ALG10B: variants seen among roughly 807,000 people sequenced by gnomAD.
ALG10B encodes the protein ALG10 alpha-1,2-glucosyltransferase B, also known as dol-P-Glc:Glc(2)Man(9)GlcNAc(2)-PP-Dol alpha-1,2-glucosyltransferase B.
ALG10B carries 27 observed loss-of-function variants against 38.7 expected under a neutral mutation model. That is an observed-to-expected ratio of 0.70 (90% CI 0.51 to 0.96). The LOEUF is 0.96. Ranked by LOEUF, ALG10B falls within the 40% of genes least tolerant of loss-of-function variation. The pLI is 0.00. For synonymous variants in ALG10B, 177 were observed against 193.3 expected (o/e 0.92, Z 0.70); for missense variants, 522 against 542.7 (o/e 0.96, Z 0.38).
rs777713108 is a variant in ALG10B, at chr12:38,320,889, T to G, written c.1098T>G (p.Tyr366Ter). Residue 366 changes from tyrosine (Y) to a stop codon, truncating the protein, a stop_gained, in exon 3 of 3, where the codon TAT becomes TAG. Coordinates refer to ENST00000308742, the MANE Select transcript of ALG10B (RefSeq NM_001013620.4). LOFTEE classifies it high-confidence loss of function. ...TGTGGAAAAGAGTTTTTCAAAGATA[T>G]GCAATTCTGAAATATTTGTTAGTTC... ...FYVWKRVFQRYAILKYLLVPA... is the reference protein window; with the variant it reads ...FYVWKRVFQR The G allele has an allele frequency of 6.2e-7, 1 of 1,613,846 alleles. No individual in the cohort carries two copies. Among genetic ancestry groups the G allele is most frequent in the Non-Finnish European group, 8.5e-7 (1 of 1,179,874 alleles).
Position 38,323,977 on chromosome 12 carries a change from AC to A in ALG10B, c.*2767del, listed in dbSNP as rs1196622718. On this transcript the variant is annotated 3_prime_UTR_variant, in exon 3 of 3. Transcript: ENST00000308742. Reference sequence around the variant, plus strand: ...CTGGCAAAATTGAGGAAAATATTCTACCCTGTAATTAAAGAAGACTGCTCTT... The same window carrying A: ...CTGGCAAAATTGAGGAAAATATTCTACCTGTAATTAAAGAAGACTGCTCTT... 1 of 698,124 alleles carries A rather than the reference AC, an allele frequency of 1.4e-6. No homozygotes were observed. Among genetic ancestry groups the A allele is most frequent in the African/African-American group, 1.8e-5 (1 of 56,828 alleles). 43.2% of individuals were successfully genotyped at this position (698,124 alleles called of 1,614,324 possible). A position where few individuals can be genotyped will look rare whatever the true frequency, so the allele number is the denominator to read the frequency against.
Position 38,324,144 on chromosome 12 carries a change from T to G in ALG10B, c.*2931T>G. The G allele has an allele frequency of 2.0e-6, 1 of 500,784 alleles. No individual in the cohort carries two copies. 31.0% of individuals were successfully genotyped at this position (500,784 alleles called of 1,614,324 possible). On this transcript the variant is annotated 3_prime_UTR_variant, in exon 3 of 3. Transcript: ENST00000308742. ...ACCTCCTGGGTTCAAGCAGTTCTCC[T>G]GCCTCAGCCTCCCGAGTAGCTGAGA...
chr12:38,319,000 G>C (rs1024680364), intron 2 of ALG10B, among the ~76,000 whole-genome samples: 1 of 152,132 alleles, frequency 6.6e-6, no homozygotes, highest in African/African-American at 2.4e-5. Flanking sequence ...AAGGAACAAG[G>C]AAACTTAATA....
At chr12:38,318,154 C>G (rs1204119903) in intron 1 of ALG10B, 107 bp from the exon 2 acceptor site, 3 of 1,415,576 alleles carry the variant, frequency 2.1e-6, no homozygotes, top group Admixed American at 3.4e-5. Flanking sequence ...AGACTAACTT[C>G]TCAAAATTTC....
Position 38,327,657 on chromosome 12 carries a change from T to A in ALG10B, c.*6444T>A, listed in dbSNP as rs1945757775. 1 of 152,128 alleles carries A rather than the reference T, an allele frequency of 6.6e-6. No individual in the cohort carries two copies. The highest frequency in any genetic ancestry group is 2.4e-5 in the African/African-American group (1 of 41,418). The allele number at this position is 152,128 out of a possible 1,614,324, so 9.4% of individuals were successfully genotyped here. Reference sequence around the variant, plus strand: ...TATGAAAAGTTTTTTTTCAATTTTTTTTAAATCAAAAGAAGTAGTATATGG... The same window carrying A: ...TATGAAAAGTTTTTTTTCAATTTTTATTAAATCAAAAGAAGTAGTATATGG... On this transcript the variant is annotated 3_prime_UTR_variant, in exon 3 of 3. Transcript: ENST00000308742.
In ALG10B at chr12:38,320,865, G is replaced by C. The variant is rs756126762; in HGVS notation, c.1074G>C (p.Val358=). 2.5e-6 allele frequency: 4 copies of C among 1,613,374 alleles called. No individual in the cohort carries two copies. Among genetic ancestry groups the C allele is most frequent in the Non-Finnish European group, 1.7e-6 (2 of 1,179,808 alleles). Residue 358 remains valine, a synonymous_variant, in exon 3 of 3, where the codon GTG becomes GTC. Coordinates refer to ENST00000308742, the MANE Select transcript of ALG10B (RefSeq NM_001013620.4). ...LADNRHYTFY[V]WKRVFQRYAI... is the part of the protein sequence containing the mutation. Reference sequence around the variant, plus strand: ...ACAATAGACATTATACTTTCTATGTGTGGAAAAGAGTTTTTCAAAGATATG... The same window carrying C: ...ACAATAGACATTATACTTTCTATGTCTGGAAAAGAGTTTTTCAAAGATATG...
Position 38,326,081 on chromosome 12 carries a change from C to T in ALG10B, c.*4868C>T, listed in dbSNP as rs141511555. Reference sequence around the variant, plus strand: ...TGCCTTAGTGCAAGCTTGTTCAACCCACAGGCCACATGCAGCCCAGGATGG... The same window carrying T: ...TGCCTTAGTGCAAGCTTGTTCAACCTACAGGCCACATGCAGCCCAGGATGG... On this transcript the variant is annotated 3_prime_UTR_variant, in exon 3 of 3. Transcript: ENST00000308742. The T allele has an allele frequency of 6.6e-5, 10 of 152,226 alleles. No homozygotes were observed. In the East Asian group the frequency reaches 1.4e-3, roughly 21 times the overall value. The allele number at this position is 152,226 out of a possible 1,614,324, so 9.4% of individuals were successfully genotyped here. A position where few individuals can be genotyped will look rare whatever the true frequency, so the allele number is the denominator to read the frequency against.
upstream of ALG10B, chr12:38,316,702 C>T: frequency 1.2e-6 from 1 of 867,212 alleles, no homozygotes; most frequent in Non-Finnish European, 1.9e-6. Context: ...TATCTAAACC[C>T]GTCACTCCAG....
chr12:38,329,155 A>G lies in ALG10B; in HGVS notation c.*7942A>G, dbSNP rs1441068790. On this transcript the variant is annotated 3_prime_UTR_variant, in exon 3 of 3. Transcript: ENST00000308742. ...ATTATACTTCCTAGTTTTATAGGTC[A>G]GAAAAATGAGGTCCACACTAATTTT... 1 of 398,244 alleles carries G rather than the reference A, an allele frequency of 2.5e-6. No homozygotes were observed. The highest frequency in any genetic ancestry group is 4.4e-6 in the Non-Finnish European group (1 of 225,924). The allele number at this position is 398,244 out of a possible 1,614,324, so 24.7% of individuals were successfully genotyped here.
In ALG10B at chr12:38,322,064, T is replaced by C. The variant is rs563224089; in HGVS notation, c.*851T>C. 2 of 152,342 alleles carry C rather than the reference T, an allele frequency of 1.3e-5. No individual in the cohort carries two copies. Among genetic ancestry groups the C allele is most frequent in the African/African-American group, 2.4e-5 (1 of 41,578 alleles). 9.4% of individuals were successfully genotyped at this position (152,342 alleles called of 1,614,324 possible). ...TCTAAAATCAAAGTGTCAGCAGAGT[T>C]GGTTCCTTCTGGAGGCTCTAAGGAA... On this transcript the variant is annotated 3_prime_UTR_variant, in exon 3 of 3. Transcript: ENST00000308742.
In ALG10B at chr12:38,320,496, G is replaced by A; in HGVS notation, c.705G>A (p.Gln235=). The A allele has an allele frequency of 6.2e-7, 1 of 1,614,030 alleles. No homozygotes were observed. Among genetic ancestry groups the A allele is most frequent in the Non-Finnish European group, 8.5e-7 (1 of 1,179,964 alleles). Residue 235 remains glutamine (Q), a synonymous_variant, in exon 3 of 3, where the codon CAG becomes CAA. Coordinates refer to ENST00000308742, the MANE Select transcript of ALG10B (RefSeq NM_001013620.4). ...GPFAEFRKIL[Q]FLLAYSMSFK... is the part of the protein sequence containing the mutation. ...TTGCAGAATTCAGAAAAATTCTTCA[G>A]TTTCTTTTGGCTTATTCCATGTCCT... is the stretch of plus-strand genomic sequence containing the variant.
Position 38,324,165 on chromosome 12 carries a change from T to G in ALG10B, c.*2952T>G. ...CTCCTGCCTCAGCCTCCCGAGTAGC[T>G]GAGATTATAGGCGCCCACCACCAAG... On this transcript the variant is annotated 3_prime_UTR_variant, in exon 3 of 3. Transcript: ENST00000308742. 2.1e-6 allele frequency: 1 copy of G among 465,554 alleles called. No homozygotes were observed. Among genetic ancestry groups the G allele is most frequent in the South Asian group, 3.5e-5 (1 of 28,718 alleles). The allele number at this position is 465,554 out of a possible 1,614,324, so 28.8% of individuals were successfully genotyped here.
chr12:38,329,036 A>G lies in ALG10B; in HGVS notation c.*7823A>G, dbSNP rs1416601018. On this transcript the variant is annotated 3_prime_UTR_variant, in exon 3 of 3. Coordinates refer to ENST00000308742, the MANE Select transcript of ALG10B (RefSeq NM_001013620.4). ...ACCAGGCAGCCTGACTCCAAAATCA[A>G]TATTCTTAACTCTATTGTTATGATG... is the stretch of plus-strand genomic sequence containing the variant. 5 of 394,536 alleles carry G rather than the reference A, an allele frequency of 1.3e-5. No individual in the cohort carries two copies. The highest frequency in any genetic ancestry group is 4.1e-5 in the African/African-American group (2 of 48,560). 24.4% of individuals were successfully genotyped at this position (394,536 alleles called of 1,614,324 possible).
In ALG10B at chr12:38,321,500, T is replaced by G. The variant is rs1945704928; in HGVS notation, c.*287T>G. 2 of 240,154 alleles carry G rather than the reference T, an allele frequency of 8.3e-6. No individual in the cohort carries two copies. The highest frequency in any genetic ancestry group is 2.1e-4 in the South Asian group (2 of 9,348). 14.9% of individuals were successfully genotyped at this position (240,154 alleles called of 1,614,324 possible). A position where few individuals can be genotyped will look rare whatever the true frequency, so the allele number is the denominator to read the frequency against. On this transcript the variant is annotated 3_prime_UTR_variant, in exon 3 of 3. Coordinates refer to ENST00000308742, the MANE Select transcript of ALG10B (RefSeq NM_001013620.4). Reference sequence around the variant, plus strand: ...TGGCCCCTCACAAAGCTTGGGAATGTTTTGTATGTATAAGTTTATTAAAAC... The same window carrying G: ...TGGCCCCTCACAAAGCTTGGGAATGGTTTGTATGTATAAGTTTATTAAAAC...
Position 38,320,736 on chromosome 12 carries a change from T to C in ALG10B, c.945T>C (p.Phe315=), listed in dbSNP as rs1945695917. 1.2e-6 allele frequency: 2 copies of C among 1,613,940 alleles called. No individual in the cohort carries two copies. The highest frequency in any genetic ancestry group is 8.5e-7 in the Non-Finnish European group (1 of 1,179,974). ...TGTCTCCTAGCAAAATTAAGACTTT[T>C]CTTTCCTTAGTTTGGAAACATGGAA... ...HLLSPSKIKT[F]LSLVWKHGIL... is the part of the protein sequence containing the mutation. The change falls in exon 3 of 3, where the codon TTT becomes TTC. Residue 315 remains phenylalanine (F), a synonymous_variant. Coordinates refer to ENST00000308742, the MANE Select transcript of ALG10B (RefSeq NM_001013620.4).
In ALG10B at chr12:38,322,729, A is replaced by G. The variant is rs1945713812; in HGVS notation, c.*1516A>G. On this transcript the variant is annotated 3_prime_UTR_variant, in exon 3 of 3. Coordinates refer to ENST00000308742, the MANE Select transcript of ALG10B (RefSeq NM_001013620.4). ...AAAGTCAAACATATTCCTTCTATCT[A>G]ATTGAGGCTTTGTATCTTTTGATTG... 1 of 152,122 alleles carries G rather than the reference A, an allele frequency of 6.6e-6. No homozygotes were observed. Among genetic ancestry groups the G allele is most frequent in the Admixed American group, 6.6e-5 (1 of 15,264 alleles). 9.4% of individuals were successfully genotyped at this position (152,122 alleles called of 1,614,324 possible).
In ALG10B at chr12:38,321,431, A is replaced by G. The variant is rs919375681; in HGVS notation, c.*218A>G. The G allele has an allele frequency of 4.8e-6, 2 of 412,898 alleles. No individual in the cohort carries two copies. Among genetic ancestry groups the G allele is most frequent in the Non-Finnish European group, 8.3e-6 (2 of 239,588 alleles). The allele number at this position is 412,898 out of a possible 1,614,324, so 25.6% of individuals were successfully genotyped here. On this transcript the variant is annotated 3_prime_UTR_variant, in exon 3 of 3. Transcript: ENST00000308742. ...CTGCTTCAAAAGCCTGAATAATGGG[A>G]AAATAAAATTGTTTTCAGATATCTC...
In ALG10B at chr12:38,328,591, G is replaced by T. The variant is rs557416346; in HGVS notation, c.*7378G>T. 6.6e-6 allele frequency: 1 copy of T among 152,026 alleles called. No individual in the cohort carries two copies. Among genetic ancestry groups the T allele is most frequent in the Middle Eastern group, 3.4e-3 (1 of 294 alleles). The allele number at this position is 152,026 out of a possible 1,614,324, so 9.4% of individuals were successfully genotyped here. A position where few individuals can be genotyped will look rare whatever the true frequency, so the allele number is the denominator to read the frequency against. On this transcript the variant is annotated 3_prime_UTR_variant, in exon 3 of 3. Transcript: ENST00000308742. ...TTAAACTCTTTTATAGTGTTTTATT[G>T]TTTTAAACCACAAAGATTTATAATC...
rs1473920057 is a variant in ALG10B at position 38,320,679 on chromosome 12, A to C, written c.888A>C (p.Ser296=). Reference sequence around the variant, plus strand: ...TTCCTCAACTATTCTACTTTTTTTCATTTACTCTCTTTTTTTCTTTTCCTC... The same window carrying C: ...TTCCTCAACTATTCTACTTTTTTTCCTTTACTCTCTTTTTTTCTTTTCCTC... The part of the protein sequence containing the change: ...LHFPQLFYFF[S]FTLFFSFPHL... Residue 296 remains serine, a synonymous_variant, in exon 3 of 3, where the codon TCA becomes TCC. Coordinates refer to ENST00000308742, the MANE Select transcript of ALG10B (RefSeq NM_001013620.4). 6.2e-7 allele frequency: 1 copy of C among 1,613,252 alleles called. No homozygotes were observed. Among genetic ancestry groups the C allele is most frequent in the East Asian group, 2.2e-5 (1 of 44,858 alleles).
Sources: gnomAD v4.1 joint callset for allele counts (sites outside exome capture counted in the v4.1 genomes callset) on GRCh38, gnomAD v4.1.1 for gene constraint, MANE v1.5 for transcripts, NCBI Gene and HGNC (gene_info 2026-07-23, HGNC 2026-07-21) for gene names.